Variants in CHST9 observed in about 807,000 individuals in gnomAD.
CHST9 encodes carbohydrate sulfotransferase 9.
CHST9 carries 41 observed loss-of-function variants against 44.4 expected under a neutral mutation model. The observed-to-expected ratio is 0.92, with a 90% CI of 0.72 to 1.20. CHST9 has a LOEUF of 1.20. Ranked by LOEUF, CHST9 falls within the 50% of genes most tolerant of loss-of-function variation. The pLI is 0.00. For missense variants in CHST9, 504 were observed against 516.5 expected, an observed-to-expected ratio of 0.98 and a Z score of 0.23; for synonymous variants, 171 against 178.4, an observed-to-expected ratio of 0.96 and a Z score of 0.33.
chr18:27,060,677 T>G (rs1047618677), intron 2 of CHST9, among the ~76,000 whole-genome samples: 5 of 152,206 alleles, frequency 3.3e-5, no homozygotes, highest in African/African-American at 1.2e-4. Context: ...CTCCTCTTTT[T>G]CTACTCTGGT....
At chr18:27,104,250 T>TA (rs2143759922) in intron 2 of CHST9, among the ~76,000 whole-genome samples, 1 of 152,196 alleles carries the variant, frequency 6.6e-6, no homozygotes, top group East Asian at 1.9e-4. Flanking sequence ...CTGAATATAT[T>TA]CAAATACATA....
At chr18:27,015,843 G>A (rs568170471) in intron 4 of CHST9, among the ~76,000 whole-genome samples, 1 of 152,240 alleles carries the variant, frequency 6.6e-6, no homozygotes, top group South Asian at 2.1e-4. Flanking sequence ...GTGTCTGTGA[G>A]ATTTGGGTCC....
At chr18:26,969,281 C>T (rs1399848380) in intron 4 of CHST9, among the ~76,000 whole-genome samples, 2 of 152,050 alleles carry the variant, frequency 1.3e-5, no homozygotes, top group Non-Finnish European at 2.9e-5. Context: ...GGATTACAGG[C>T]GTGAGCCACC....
rs996968958 is a variant in CHST9 at position 26,911,578 on chromosome 18, G to A, written c.*4681C>T. 1.3e-5 allele frequency: 2 copies of A among 152,180 alleles called. No individual in the cohort carries two copies. Among genetic ancestry groups the A allele is most frequent in the Non-Finnish European group, 2.9e-5 (2 of 68,020 alleles). 9.4% of individuals were successfully genotyped at this position (152,180 alleles called of 1,614,324 possible). A position where few individuals can be genotyped will look rare whatever the true frequency, so the allele number is the denominator to read the frequency against. ...TGAGTTAACAAGAAATGAATGTCCA[G>A]ATATATAGAGAGGGGAGCATTCCAA... On this transcript the variant is annotated 3_prime_UTR_variant, in exon 6 of 6. Transcript: ENST00000618847.
At chr18:27,040,150 G>A (rs888980067) in intron 3 of CHST9, among the ~76,000 whole-genome samples, 2 of 152,112 alleles carry the variant, frequency 1.3e-5, no homozygotes, top group Non-Finnish European at 2.9e-5. Context: ...ATGAAGGTAA[G>A]CTAGGGTAGA....
At chr18:27,123,131 A>G (rs1024567359) in intron 2 of CHST9, among the ~76,000 whole-genome samples, 1 of 152,208 alleles carries the variant, frequency 6.6e-6, no homozygotes, top group Non-Finnish European at 1.5e-5. Flanking sequence ...AGAACTCCCA[A>G]TGTGGGGATT....
chr18:26,942,113 T>A (rs1416341816), intron 5 of CHST9, among the ~76,000 whole-genome samples: 1 of 152,106 alleles, frequency 6.6e-6, no homozygotes, highest in Non-Finnish European at 1.5e-5. Flanking sequence ...CTAAAGTGGG[T>A]TTTCAAAAAT....
At chr18:27,006,793 G>C (rs1211405928) in intron 4 of CHST9, among the ~76,000 whole-genome samples, 1 of 152,184 alleles carries the variant, frequency 6.6e-6, no homozygotes, top group Non-Finnish European at 1.5e-5. Context: ...CCCTGAGATA[G>C]ATTGAGTCAA....
At chr18:27,144,357 A>G (rs1170017022) in intron 1 of CHST9, among the ~76,000 whole-genome samples, 1 of 152,122 alleles carries the variant, frequency 6.6e-6, no homozygotes, top group East Asian at 1.9e-4. Context: ...TGTCTGGTTA[A>G]AGGATAATAT....
rs1247860046 is a variant in CHST9, at chr18:26,964,114, C to T, written c.203-19748G>A. Among the ~76,000 whole-genome samples, 4 of 152,170 alleles carry T rather than the reference C, an allele frequency of 2.6e-5. No individual in the cohort carries two copies. In the East Asian group the frequency reaches 5.8e-4, roughly 22 times the overall value. ...AAATAGAAGCAGAACGCTGATGTGG[C>T]TAACACAAGTTGGACAACATTTATT... On this transcript the variant is annotated intron_variant, in intron 4 of 5. Coordinates refer to ENST00000618847, the MANE Select transcript of CHST9 (RefSeq NM_031422.6).
At chr18:27,080,559 A>T (rs1317925248) in intron 2 of CHST9, among the ~76,000 whole-genome samples, 1 of 152,168 alleles carries the variant, frequency 6.6e-6, no homozygotes, top group Non-Finnish European at 1.5e-5. Flanking sequence ...AGTTGCATAT[A>T]ATAGGCATTC....
At chr18:26,940,263 T>G (rs960791192) in intron 5 of CHST9, among the ~76,000 whole-genome samples, 13 of 152,162 alleles carry the variant, frequency 8.5e-5, no homozygotes, top group African/African-American at 2.9e-4. Context: ...TTTGTGATGC[T>G]TGGAGACTCC....
chr18:27,090,659 C>T (rs535031538), intron 2 of CHST9, among the ~76,000 whole-genome samples: 14 of 152,306 alleles, frequency 9.2e-5, no homozygotes, highest in African/African-American at 3.4e-4. Context: ...CAGCTTTCTA[C>T]ATATGGCAAG....
At chr18:27,092,902 C>T (rs1184111890) in intron 2 of CHST9, among the ~76,000 whole-genome samples, 7 of 151,952 alleles carry the variant, frequency 4.6e-5, no homozygotes, top group East Asian at 3.9e-4. Context: ...GGTGTGGTGC[C>T]GAGAAGAATG....
At chr18:26,981,105 A>G (rs1365692465) in intron 4 of CHST9, among the ~76,000 whole-genome samples, 3 of 152,108 alleles carry the variant, frequency 2.0e-5, no homozygotes, top group African/African-American at 7.2e-5. Context: ...GGATTATTGC[A>G]TTTTTTCTAG....
intron 2 of CHST9, among the ~76,000 whole-genome samples, chr18:27,129,428 CGTGCAGTGCA>C (rs1039140523): frequency 5.9e-5 from 9 of 151,556 alleles, no homozygotes; most frequent in African/African-American, 9.7e-5. Context: ...CCCAGGCTGG[CGTGCAGTGCA>C]GTGCAGTGCA....
intron 4 of CHST9, among the ~76,000 whole-genome samples, chr18:26,998,768 A>G (rs887102110): frequency 3.9e-5 from 6 of 151,992 alleles, no homozygotes; most frequent in Admixed American, 3.3e-4. Flanking sequence ...AAGAAAGAAA[A>G]AAAGAAATCC....
At chr18:27,094,304 T>C (rs1044092158) in intron 2 of CHST9, among the ~76,000 whole-genome samples, 1 of 152,178 alleles carries the variant, frequency 6.6e-6, no homozygotes, top group African/African-American at 2.4e-5. Flanking sequence ...AAACAAAATC[T>C]TATTCAAAGA....
At chr18:27,129,559 A>T (rs1003702954) in intron 2 of CHST9, among the ~76,000 whole-genome samples, 2 of 151,810 alleles carry the variant, frequency 1.3e-5, no homozygotes, top group Non-Finnish European at 2.9e-5. Flanking sequence ...TGCCCAGATA[A>T]TGTTTGTATT....
Sources: gnomAD v4.1 joint callset for allele counts (sites outside exome capture counted in the v4.1 genomes callset) on GRCh38, gnomAD v4.1.1 for gene constraint, MANE v1.5 for transcripts, NCBI Gene and HGNC (gene_info 2026-07-23, HGNC 2026-07-21) for gene names.